The following GRIN2A variants were observed in gnomAD, a reference collection of about 807,000 sequenced individuals.
The protein encoded by GRIN2A is glutamate ionotropic receptor NMDA type subunit 2A, also known as glutamate receptor ionotropic, NMDA 2A.
In GRIN2A, 22 loss-of-function variants were observed where a neutral mutation model predicts 113.4. That is an observed-to-expected ratio of 0.19 (90% CI 0.14 to 0.28). The LOEUF is 0.28. GRIN2A is among the 10% of genes least tolerant of loss of function. The pLI is 1.00. For missense variants in GRIN2A, 1,502 were observed against 1,887.0 expected (o/e 0.80, Z 3.78); for synonymous variants, 827 against 738.4 (o/e 1.12, Z -1.94).
chr16:9,982,106 G>A (rs1363883877), intron 2 of GRIN2A, among the ~76,000 whole-genome samples: 2 of 152,144 alleles, frequency 1.3e-5, no homozygotes. Flanking sequence ...TGACTCTTGA[G>A]ACTCTTTTTA....
At chr16:9,787,420 G>A (rs936615291) in intron 11 of GRIN2A, among the ~76,000 whole-genome samples, 7 of 152,060 alleles carry the variant, frequency 4.6e-5, no homozygotes, top group Non-Finnish European at 7.4e-5. Flanking sequence ...ACCCCACTTC[G>A]GGTTATCCCG....
At chr16:9,819,987 G>T (rs1305413075) in intron 10 of GRIN2A, among the ~76,000 whole-genome samples, 1 of 135,718 alleles carries the variant, frequency 7.4e-6, no homozygotes, top group Non-Finnish European at 1.6e-5. Flanking sequence ...TGAGTTTAAA[G>T]TAACAATGCA....
At chr16:9,933,226 T>C (rs1482189305) in intron 3 of GRIN2A, among the ~76,000 whole-genome samples, 9 of 152,190 alleles carry the variant, frequency 5.9e-5, no homozygotes, top group Non-Finnish European at 1.0e-4. Flanking sequence ...GTACTTTTTT[T>C]TGCCTGAAAC....
intron 2 of GRIN2A, among the ~76,000 whole-genome samples, chr16:9,996,408 C>G (rs891651198): frequency 6.6e-6 from 1 of 152,166 alleles, no homozygotes. Context: ...GACTCAGGCA[C>G]GCATGAAAAT....
At position 10,035,511 on chromosome 16, in the gene GRIN2A, G is replaced by T. The variant is rs189880691; in HGVS notation, c.415-96960C>A. Among the ~76,000 whole-genome samples the T allele has an allele frequency of 1.8e-3, 274 of 152,202 alleles. 2 individuals carry two copies. Among genetic ancestry groups the T allele is most frequent in the African/African-American group, 6.2e-3 (257 of 41,518 alleles). On this transcript the variant is annotated intron_variant, in intron 2 of 12. Coordinates refer to ENST00000330684, the MANE Select transcript of GRIN2A (RefSeq NM_001134407.3). ...ACCTATCCCTCAAGGCACATCTCAT[G>T]TGTCACCTCCCCTGTGAAGCTCTGC... is the stretch of plus-strand genomic sequence containing the variant.
At chr16:10,053,564 G>T (rs1446273515) in intron 2 of GRIN2A, among the ~76,000 whole-genome samples, 1 of 152,168 alleles carries the variant, frequency 6.6e-6, no homozygotes, top group South Asian at 2.1e-4. Context: ...TTGAGCAGGT[G>T]GTGACAAGTT....
rs1181382897 is a variant in GRIN2A at position 9,764,483 on chromosome 16, T to C, written c.3061A>G (p.Ile1021Val). The C allele has an allele frequency of 1.9e-6, 3 of 1,614,200 alleles. No individual in the cohort carries two copies. Among genetic ancestry groups the C allele is most frequent in the Admixed American group, 3.3e-5 (2 of 60,030 alleles). The change falls in exon 13 of 13, where the codon ATA becomes GTA. Residue 1021 changes from isoleucine to valine, a missense_variant. Ile to Val is a conservative substitution (Grantham distance 29, BLOSUM62 3). This residue lies in a region of GRIN2A where 832 missense variants were observed against 789.7 expected (regional missense o/e 1.05). Transcript: ENST00000330684. ...RQLWKKSVDS[I>V]RQDSLSQNPV... ...TTCTGGGATAGTGAATCCTGGCGTATGGAATCCACGGATTTCTTCCACAGC... is the reference window on the plus strand; with the variant it reads ...TTCTGGGATAGTGAATCCTGGCGTACGGAATCCACGGATTTCTTCCACAGC...
rs951273100 is a variant in GRIN2A at position 9,870,628 on chromosome 16, CTTT to C, written c.1122+20355_1122+20357del. On this transcript the variant is annotated intron_variant, in intron 4 of 12. Transcript: ENST00000330684. ...GATGTTCCTTCAAGTAACTTTTTTTCTTTTTTTTTTTTTTTTCTTTTTTTGTAG... is the reference window on the plus strand; with the variant it reads ...GATGTTCCTTCAAGTAACTTTTTTTCTTTTTTTTTTTTTCTTTTTTTGTAG... Among the ~76,000 whole-genome samples the C allele has an allele frequency of 2.9e-5, 4 of 138,186 alleles. No individual in the cohort carries two copies. In the Admixed American group the frequency reaches 2.9e-4, roughly 10 times the overall value. 90.7% of individuals were successfully genotyped at this position (138,186 alleles called of 152,430 possible).
rs371488166 is a variant in GRIN2A at position 9,822,520 on chromosome 16, G to T, written c.2008-96C>A. On this transcript the variant is annotated intron_variant, in intron 9 of 12. Transcript: ENST00000330684. The stretch of plus-strand genomic sequence containing the variant: ...CAAATAATAAATTAGTGATCATTTT[G>T]TCTGGTGTTAGGAGGTAAATGCATG... 7.0e-6 allele frequency: 6 copies of T among 861,366 alleles called. No individual in the cohort carries two copies. In the East Asian group the frequency reaches 1.3e-4, roughly 18 times the overall value. 53.4% of individuals were successfully genotyped at this position (861,366 alleles called of 1,614,324 possible).
chr16:9,948,372 G>T (rs932112732), intron 2 of GRIN2A, among the ~76,000 whole-genome samples: 2 of 152,198 alleles, frequency 1.3e-5, no homozygotes, highest in African/African-American at 4.8e-5. Context: ...GGCATTGCAA[G>T]CAAGCTCCCG....
At chr16:9,802,805 GA>G (rs1903447389) in intron 10 of GRIN2A, among the ~76,000 whole-genome samples, 1 of 152,142 alleles carries the variant, frequency 6.6e-6, no homozygotes, top group Non-Finnish European at 1.5e-5. Context: ...TAGTGCAAAT[GA>G]GTTGTAAATT....
At chr16:9,892,128 G>A (rs2043706348) in intron 3 of GRIN2A, among the ~76,000 whole-genome samples, 1 of 152,112 alleles carries the variant, frequency 6.6e-6, no homozygotes, top group South Asian at 2.1e-4. Flanking sequence ...CTACTCAGAA[G>A]GCTGAGGCAG....
chr16:10,052,662 T>A (rs138917784), intron 2 of GRIN2A, among the ~76,000 whole-genome samples: 4 of 152,108 alleles, frequency 2.6e-5, no homozygotes. Flanking sequence ...AAAGAAAAGA[T>A]CTGTTGAGGC....
intron 5 of GRIN2A, among the ~76,000 whole-genome samples, chr16:9,849,321 A>T (rs2042837642): frequency 6.6e-6 from 1 of 150,466 alleles, no homozygotes; most frequent in African/African-American, 2.4e-5. Flanking sequence ...TTTTTTGAAT[A>T]TGTATGTTCA....
At chr16:10,015,144 C>T (rs1203312909) in intron 2 of GRIN2A, among the ~76,000 whole-genome samples, 1 of 147,308 alleles carries the variant, frequency 6.8e-6, no homozygotes, top group East Asian at 2.0e-4. Context: ...ATCCCAGCTA[C>T]TCGGGAGGCT....
chr16:10,123,250 G>C (rs2048867649), intron 2 of GRIN2A, among the ~76,000 whole-genome samples: 2 of 152,070 alleles, frequency 1.3e-5, no homozygotes, highest in Admixed American at 1.3e-4. Flanking sequence ...CTTGCAATAG[G>C]GACACTCCAG....
At chr16:9,945,653 T>G (rs1382558513) in intron 2 of GRIN2A, among the ~76,000 whole-genome samples, 2 of 152,174 alleles carry the variant, frequency 1.3e-5, no homozygotes, top group African/African-American at 4.8e-5. Context: ...AACCCTGTTC[T>G]TCCCTCTGGA....
intron 2 of GRIN2A, among the ~76,000 whole-genome samples, chr16:10,102,667 C>T (rs1892100945): frequency 6.6e-6 from 1 of 152,132 alleles, no homozygotes; most frequent in African/African-American, 2.4e-5. Flanking sequence ...GTGCCTCAGC[C>T]TCCCAAGTAG....
chr16:9,834,733 A>T (rs944682055), intron 7 of GRIN2A, among the ~76,000 whole-genome samples: 1 of 152,208 alleles, frequency 6.6e-6, no homozygotes, highest in Non-Finnish European at 1.5e-5. Context: ...TCTACAAAAT[A>T]TTTGAAGTAT....
Sources: gnomAD v4.1 joint callset for allele counts (sites outside exome capture counted in the v4.1 genomes callset) on GRCh38, gnomAD v4.1.1 for gene constraint, gnomAD v4.1.1 regional missense constraint, MANE v1.5 for transcripts, NCBI Gene and HGNC (gene_info 2026-07-23, HGNC 2026-07-21) for gene names.